COL4A5: variants seen among roughly 807,000 people sequenced by gnomAD.
The protein encoded by COL4A5 is collagen alpha-5(IV) chain.
A neutral mutation model predicts 130.2 loss-of-function variants in COL4A5; 26 were observed. The ratio of observed to expected loss-of-function variants is 0.20; its 90% CI spans 0.15 to 0.28. The LOEUF (loss-of-function observed/expected upper bound fraction) is 0.28, where lower values mean the gene tolerates loss of function less well. COL4A5 is among the 10% of genes least tolerant of loss of function. The pLI, the probability that COL4A5 is intolerant of heterozygous loss-of-function variation, is 1.00. For missense variants in COL4A5, 1,131 were observed against 1,344.3 expected, an observed-to-expected ratio of 0.84 and a Z score of 2.48; for synonymous variants, 496 against 439.6, an observed-to-expected ratio of 1.13 and a Z score of -1.60.
intron 37 of COL4A5, among the ~76,000 whole-genome samples, chrX:108,660,343 C>T (rs1270362785): frequency 9.0e-6 from 1 of 111,409 alleles, no homozygotes; most frequent in East Asian, 2.8e-4. Flanking sequence ...CTCTTCTACC[C>T]TCCTGTGCAG....
chrX:108,612,538 G>C (rs1463564677), intron 29 of COL4A5, among the ~76,000 whole-genome samples: 1 of 111,557 alleles, frequency 9.0e-6, no homozygotes, highest in Non-Finnish European at 1.9e-5. Flanking sequence ...AACAAAAACA[G>C]TATAATTTAC....
chrX:108,440,529 C>T, intron 1 of COL4A5: 1 of 263,308 alleles, frequency 3.8e-6, no homozygotes, highest in Admixed American at 6.2e-5. Context: ...CTTTTCCTCC[C>T]CTCCCTCCAC....
chrX:108,680,618 T>C (rs1167086532), intron 44 of COL4A5, 61 bp from the exon 45 acceptor site: 2 of 956,291 alleles, frequency 2.1e-6, no homozygotes, highest in Admixed American at 4.4e-5. Flanking sequence ...TCTTATGCCC[T>C]CAATCACCTT....
intron 29 of COL4A5, among the ~76,000 whole-genome samples, chrX:108,607,965 T>A (rs2066764893): frequency 8.9e-6 from 1 of 111,929 alleles, no homozygotes; most frequent in Non-Finnish European, 1.9e-5. Flanking sequence ...CCATAGTTCA[T>A]CCCAGTTGCT....
chrX:108,650,479 T>C (rs1358422173), intron 36 of COL4A5, among the ~76,000 whole-genome samples: 1 of 111,941 alleles, frequency 8.9e-6, no homozygotes, highest in Non-Finnish European at 1.9e-5. Context: ...TGCACACGCA[T>C]GTTTATAGCA....
intron 1 of COL4A5, among the ~76,000 whole-genome samples, chrX:108,481,898 A>G (rs112568981): frequency 0.1 from 11,639 of 111,036 alleles, 1,343 homozygotes; most frequent in African/African-American, 0.34. Context: ...TAGGTCTAAA[A>G]TGACTAATCC....
intron 1 of COL4A5, among the ~76,000 whole-genome samples, chrX:108,519,771 C>A (rs2065249780): frequency 9.1e-6 from 1 of 110,401 alleles, no homozygotes; most frequent in South Asian, 3.8e-4. Flanking sequence ...TCCATGATAT[C>A]CACTTTCCTC....
chrX:108,640,863 T>G (rs1398737664), intron 36 of COL4A5, among the ~76,000 whole-genome samples: 1 of 112,054 alleles, frequency 8.9e-6, no homozygotes, highest in Non-Finnish European at 1.9e-5. Context: ...TATAAATGTA[T>G]ATAGTTTTTA....
Position 108,626,304 on chromosome X carries a change from T to A in COL4A5, c.3201T>A (p.Asp1067Glu). The part of the protein sequence containing the change: ...GLPGQKGDKG[D>E]PGISSIGLPG... ...CTGGACAGAAAGGCGACAAAGGTGATCCTGGTATTTCAAGCATTGGTCTTC... is the reference window on the plus strand; with the variant it reads ...CTGGACAGAAAGGCGACAAAGGTGAACCTGGTATTTCAAGCATTGGTCTTC... Residue 1067 changes from aspartate to glutamate, a missense_variant, in exon 36 of 53, where the codon GAT becomes GAA. By Grantham distance (45) the Asp-to-Glu change is conservative. Coordinates refer to ENST00000328300, the MANE Select transcript of COL4A5 (RefSeq NM_033380.3). 1.7e-6 allele frequency: 2 copies of A among 1,210,953 alleles called. No homozygotes were observed. The highest frequency in any genetic ancestry group is 2.2e-6 in the Non-Finnish European group (2 of 895,122).
In COL4A5 at chrX:108,596,961, GTGTGTGTGTGTGTTTGTT is replaced by G. The variant is rs1263838112; in HGVS notation, c.1517-23_1517-6del. On this transcript the variant is annotated intron_variant, in intron 22 of 52. Transcript: ENST00000328300. ...GTTCAAGCTCAAAGCTTACGTTATT[GTGTGTGTGTGTGTTTGTT>G]TGTGTGTGTGTGTGTTAGGATCTCT... 1 of 931,219 alleles carries G rather than the reference GTGTGTGTGTGTGTTTGTT, an allele frequency of 1.1e-6. No homozygotes were observed. The allele number at this position is 931,219 out of a possible 1,213,427, so 76.7% of individuals were successfully genotyped here.
rs764609553 is a variant in COL4A5, at chrX:108,615,689, G to T, written c.2509+665G>T. ...ATATTGAGTTTCTGGATTCTGAGCTGTCTGGTGATGTGAATTCTCGTTATG... is the reference window on the plus strand; with the variant it reads ...ATATTGAGTTTCTGGATTCTGAGCTTTCTGGTGATGTGAATTCTCGTTATG... On this transcript the variant is annotated intron_variant, in intron 30 of 52. Transcript: ENST00000328300. Among the ~76,000 whole-genome samples the T allele has an allele frequency of 6.3e-5, 7 of 111,716 alleles. No homozygotes were observed. In the East Asian group the frequency reaches 2.0e-3, roughly 31 times the overall value.
chrX:108,568,517 A>G, intron 4 of COL4A5, 112 bp from the exon 5 acceptor site: 1 of 550,686 alleles, frequency 1.8e-6, no homozygotes, highest in Non-Finnish European at 3.1e-6. Context: ...AAATAGTGAG[A>G]CACAATTTTT....
chrX:108,584,656 CTT>C, intron 18 of COL4A5, 131 bp downstream of exon 18: 1 of 554,525 alleles, frequency 1.8e-6, no homozygotes, highest in Non-Finnish European at 3.0e-6. Context: ...TTTCTACTGG[CTT>C]AAAAGTCTTT....
intron 1 of COL4A5, among the ~76,000 whole-genome samples, chrX:108,456,523 G>T (rs2064586283): frequency 9.0e-6 from 1 of 111,703 alleles, no homozygotes; most frequent in Admixed American, 9.5e-5. Flanking sequence ...GAGGGTCATA[G>T]TTTTTCCTTT....
chrX:108,632,817 A>G (rs1194951004), intron 36 of COL4A5, among the ~76,000 whole-genome samples: 1 of 111,991 alleles, frequency 8.9e-6, no homozygotes, highest in African/African-American at 3.2e-5. Context: ...CTAGGTATTG[A>G]TGGAACGTAT....
chrX:108,630,815 T>C lies in COL4A5; in HGVS notation c.3246+4466T>C, dbSNP rs1469945555. ...TTCAACATTTAAGTCTTAATCCATC[T>C]TGAATTAATTTTTGTATAAGGTGTG... On this transcript the variant is annotated intron_variant, in intron 36 of 52. Transcript: ENST00000328300. Among the ~76,000 whole-genome samples the C allele has an allele frequency of 2.7e-5, 3 of 112,606 alleles. No homozygotes were observed. In the South Asian group the frequency reaches 1.1e-3, roughly 41 times the overall value.
chrX:108,634,726 C>A (rs888052826), intron 36 of COL4A5, among the ~76,000 whole-genome samples: 2 of 110,922 alleles, frequency 1.8e-5, no homozygotes, highest in Non-Finnish European at 3.8e-5. Context: ...TTTTTTATTT[C>A]TTTATACATG....
At chrX:108,526,618 TTCTTTCTTTCTTTC>T (rs1454006531) in intron 1 of COL4A5, among the ~76,000 whole-genome samples, 2 of 61,154 alleles carry the variant, frequency 3.3e-5, no homozygotes, top group African/African-American at 2.0e-4. Context: ...CTTTCTTTCT[TTCTTTCTTTCTTTC>T]TTTCTTTCTT....
At chrX:108,670,998 C>T (rs961342326) in intron 42 of COL4A5, among the ~76,000 whole-genome samples, 1 of 110,929 alleles carries the variant, frequency 9.0e-6, no homozygotes, top group African/African-American at 3.3e-5. Context: ...GCTGAGATTG[C>T]ACCACTGCAC....
Sources: gnomAD v4.1 joint callset for allele counts (sites outside exome capture counted in the v4.1 genomes callset) on GRCh38, gnomAD v4.1.1 for gene constraint, MANE v1.5 for transcripts, NCBI Gene and HGNC (gene_info 2026-07-23, HGNC 2026-07-21) for gene names.